INPP4B: variants seen among roughly 807,000 people sequenced by gnomAD.
The protein encoded by INPP4B is inositol polyphosphate 4-phosphatase type II.
INPP4B carries 55 observed loss-of-function variants against 122.5 expected under a neutral mutation model. The ratio of observed to expected loss-of-function variants is 0.45; its 90% CI spans 0.36 to 0.56. The LOEUF is 0.56. Ranked by LOEUF, INPP4B falls within the 20% of genes least tolerant of loss-of-function variation. The pLI is 0.00. For synonymous variants in INPP4B, 403 were observed against 388.7 expected (o/e 1.04, Z -0.43); for missense variants, 1,000 against 1,097.7 (o/e 0.91, Z 1.26).
At chr4:142,494,890 C>T (rs186996956) in intron 2 of INPP4B, among the ~76,000 whole-genome samples, 127 of 152,248 alleles carry the variant, frequency 8.3e-4, no homozygotes, top group African/African-American at 2.9e-3. Flanking sequence ...AGTCAGAGAA[C>T]TTAAAACAAT....
At chr4:142,547,802 C>T (rs1196977066) in intron 2 of INPP4B, among the ~76,000 whole-genome samples, 1 of 152,062 alleles carries the variant, frequency 6.6e-6, no homozygotes, top group Non-Finnish European at 1.5e-5. Context: ...CTGTGGAAAA[C>T]AAATTTAGGG....
In INPP4B at chr4:142,431,373, T is replaced by C. The variant is rs1047723935; in HGVS notation, c.-114A>G. 6.9e-6 allele frequency: 5 copies of C among 722,918 alleles called. No homozygotes were observed. Among genetic ancestry groups the C allele is most frequent in the African/African-American group, 3.5e-5 (2 of 56,516 alleles). 44.8% of individuals were successfully genotyped at this position (722,918 alleles called of 1,614,324 possible). ...ACACTAAAGATCTGATATCCCACTC[T>C]GAAATTCTGTACCTAGGAAACATCA... On this transcript the variant is annotated 5_prime_UTR_variant, in exon 4 of 26. Transcript: ENST00000262992.
chr4:142,766,580 A>C (rs944362107), intron 1 of INPP4B, among the ~76,000 whole-genome samples: 2 of 152,086 alleles, frequency 1.3e-5, no homozygotes, highest in African/African-American at 4.8e-5. Context: ...CATGTTGGCC[A>C]GGCTGGTCTT....
intron 25 of INPP4B, among the ~76,000 whole-genome samples, chr4:142,066,367 A>T (rs780049882): frequency 2.6e-5 from 4 of 152,220 alleles, no homozygotes; most frequent in Non-Finnish European, 4.4e-5. Flanking sequence ...AAATGTAACA[A>T]TATCCTTACA....
At chr4:142,048,022 G>A (rs1752496066) in intron 25 of INPP4B, among the ~76,000 whole-genome samples, 1 of 151,398 alleles carries the variant, frequency 6.6e-6, no homozygotes, top group Non-Finnish European at 1.5e-5. Context: ...ATTAAGCACT[G>A]ACTATTTCAC....
At chr4:142,635,017 A>C (rs933357183) in intron 2 of INPP4B, among the ~76,000 whole-genome samples, 2 of 152,120 alleles carry the variant, frequency 1.3e-5, no homozygotes, top group African/African-American at 2.4e-5. Context: ...ATTACAAGAG[A>C]AAAACAACCC....
At chr4:142,320,060 C>T (rs959443420) in intron 7 of INPP4B, among the ~76,000 whole-genome samples, 1 of 152,162 alleles carries the variant, frequency 6.6e-6, no homozygotes, top group Non-Finnish European at 1.5e-5. Context: ...TCTTGCAACT[C>T]TTGAACTGTG....
chr4:142,272,384 T>C (rs1309928622), intron 9 of INPP4B, among the ~76,000 whole-genome samples: 5 of 152,058 alleles, frequency 3.3e-5, no homozygotes. Context: ...TGTACACAGC[T>C]GATTTCATAG....
intron 25 of INPP4B, among the ~76,000 whole-genome samples, chr4:142,038,272 A>G (rs1447939054): frequency 6.6e-6 from 1 of 152,184 alleles, no homozygotes; most frequent in Non-Finnish European, 1.5e-5. Context: ...AAATGTAAGC[A>G]TAGCCTATGT....
At chr4:142,332,502 G>GA (rs772840732) in intron 7 of INPP4B, among the ~76,000 whole-genome samples, 3 of 150,676 alleles carry the variant, frequency 2.0e-5, no homozygotes, top group African/African-American at 4.9e-5. Context: ...ATTAAAGGGG[G>GA]AAAAAAAAGC....
At chr4:142,306,950 G>C (rs1482855730) in intron 8 of INPP4B, among the ~76,000 whole-genome samples, 1 of 152,144 alleles carries the variant, frequency 6.6e-6, no homozygotes, top group Non-Finnish European at 1.5e-5. Flanking sequence ...CCCAAATATT[G>C]CTAATGATAA....
chr4:142,502,642 G>A (rs764211340), intron 2 of INPP4B, among the ~76,000 whole-genome samples: 5 of 151,768 alleles, frequency 3.3e-5, no homozygotes, highest in South Asian at 2.1e-4. Context: ...GTGGGCGCCC[G>A]GCTAATTTTT....
intron 9 of INPP4B, among the ~76,000 whole-genome samples, chr4:142,304,404 A>G (rs778301100): frequency 1.3e-5 from 2 of 152,094 alleles, no homozygotes; most frequent in Non-Finnish European, 2.9e-5. Context: ...AGGAAGCTAG[A>G]GCGGATGGCA....
intron 23 of INPP4B, among the ~76,000 whole-genome samples, chr4:142,091,181 G>A (rs336310): frequency 0.64 from 97,550 of 152,004 alleles, 33,280 homozygotes; most frequent in Non-Finnish European, 0.76. Flanking sequence ...TGAGCAATGG[G>A]TTCCCAAATG....
At chr4:142,470,719 C>A (rs995127312) in intron 2 of INPP4B, among the ~76,000 whole-genome samples, 2 of 152,120 alleles carry the variant, frequency 1.3e-5, no homozygotes, top group Non-Finnish European at 2.9e-5. Context: ...GAGCTTGTTT[C>A]TTCATCATTA....
At chr4:142,432,083 T>TTAA (rs1441661976) in intron 3 of INPP4B, among the ~76,000 whole-genome samples, 12 of 152,116 alleles carry the variant, frequency 7.9e-5, no homozygotes, top group African/African-American at 2.7e-4. Context: ...CTCCAAGAAC[T>TTAA]TAATACCCTG....
chr4:142,591,242 G>C (rs181959323), intron 2 of INPP4B, among the ~76,000 whole-genome samples: 2 of 151,950 alleles, frequency 1.3e-5, no homozygotes, highest in East Asian at 3.9e-4. Flanking sequence ...CTAAGATCGA[G>C]CCACCGCACT....
At chr4:142,506,731 T>C (rs554311298) in intron 2 of INPP4B, among the ~76,000 whole-genome samples, 1 of 152,308 alleles carries the variant, frequency 6.6e-6, no homozygotes, top group East Asian at 1.9e-4. Flanking sequence ...CATGGGGAGA[T>C]ACCTTAAATA....
chr4:142,753,310 A>T (rs138044892), intron 1 of INPP4B, among the ~76,000 whole-genome samples: 50 of 152,216 alleles, frequency 3.3e-4, no homozygotes, highest in African/African-American at 1.0e-3. Flanking sequence ...ATAATATAGT[A>T]TGTCTTTCTC....
Sources: gnomAD v4.1 joint callset for allele counts (sites outside exome capture counted in the v4.1 genomes callset) on GRCh38, gnomAD v4.1.1 for gene constraint, MANE v1.5 for transcripts, NCBI Gene and HGNC (gene_info 2026-07-23, HGNC 2026-07-21) for gene names.